PTCRA: variants seen among roughly 807,000 people sequenced by gnomAD.
PTCRA encodes pre T cell antigen receptor alpha, also known as pre T-cell antigen receptor alpha.
Under a neutral mutation model 13.4 loss-of-function variants are expected in PTCRA, and 9 were observed. The ratio of observed to expected loss-of-function variants is 0.67; its 90% CI spans 0.41 to 1.18. The LOEUF (loss-of-function observed/expected upper bound fraction) is 1.18, where lower values mean the gene tolerates loss of function less well. PTCRA is among the 50% of genes most tolerant of loss of function. The probability of loss-of-function intolerance (pLI) is 0.01; values close to 1 mark genes in which losing one functional copy is unlikely to be tolerated. For missense variants in PTCRA, 353 were observed against 359.8 expected, an observed-to-expected ratio of 0.98 and a Z score of 0.15; for synonymous variants, 153 against 161.9, an observed-to-expected ratio of 0.94 and a Z score of 0.42.
At chr6:42,922,292 G>C (rs778556257) in intron 1 of PTCRA, 3 of 700,844 alleles carry the variant, frequency 4.3e-6, no homozygotes, top group Non-Finnish European at 5.2e-6. Flanking sequence ...CACATCTACT[G>C]TCTTTCCCAT....
chr6:42,924,511 C>A, intron 3 of PTCRA: 1 of 577,130 alleles, frequency 1.7e-6, no homozygotes, highest in Non-Finnish European at 3.1e-6. Flanking sequence ...TTGAGAAGCA[C>A]AGGTGACAGC....
In PTCRA at chr6:42,925,234, G is replaced by C; in HGVS notation, c.425-27G>C. 2 of 1,569,412 alleles carry C rather than the reference G, an allele frequency of 1.3e-6. No individual in the cohort carries two copies. Among genetic ancestry groups the C allele is most frequent in the Non-Finnish European group, 1.7e-6 (2 of 1,164,974 alleles). Reference sequence around the variant, plus strand: ...GGGGTAGGGGGCTGCGGGCTCCTGCGGGCTCCTGAGCGGTTCCTCCTCGCA... The same window carrying C: ...GGGGTAGGGGGCTGCGGGCTCCTGCCGGCTCCTGAGCGGTTCCTCCTCGCA... On this transcript the variant is annotated intron_variant, in intron 3 of 3. Coordinates refer to ENST00000304672, the MANE Select transcript of PTCRA (RefSeq NM_138296.3). This position sits in a 1 kb window ranked among gnomAD's most constrained non-coding sequence, Gnocchi z 4.4.
rs201876282 is a variant in PTCRA at position 42,925,491 on chromosome 6, C to T, written c.655C>T (p.Arg219Cys). 5.2e-5 allele frequency: 82 copies of T among 1,562,338 alleles called. No individual in the cohort carries two copies. The highest frequency in any genetic ancestry group is 1.2e-4 in the African/African-American group (9 of 73,720). The change falls in exon 4 of 4, where the codon CGC (arginine) becomes TGC (cysteine). Residue 219 changes from arginine to cysteine, a missense_variant. Coordinates refer to ENST00000304672, the MANE Select transcript of PTCRA (RefSeq NM_138296.3). The surrounding 1 kb of genome is among the most constrained non-coding windows in gnomAD (Gnocchi z 4.4). ...SSPRPQPRDRRWGDTPPGRKP... is the reference protein window; with the variant it reads ...SSPRPQPRDRCWGDTPPGRKP... ...ACCCAGACCCCAGCCTCGGGACCGC[C>T]GCTGGGGTGACACCCCTCCGGGTCG...
intron 1 of PTCRA, among the ~76,000 whole-genome samples, chr6:42,917,228 A>ATTAT (rs200112339): frequency 1.8e-3 from 220 of 122,858 alleles, no homozygotes; most frequent in South Asian, 2.8e-3. Context: ...TATTATTATT[A>ATTAT]TTATTTATTT....
Position 42,923,082 on chromosome 6 carries a change from T to A in PTCRA, c.114T>A (p.Asp38Glu). The A allele has an allele frequency of 6.2e-7, 1 of 1,614,192 alleles. No homozygotes were observed. Among genetic ancestry groups the A allele is most frequent in the Admixed American group, 1.7e-5 (1 of 60,020 alleles). ...SLAPPIMLLV[D>E]GKQQMVVVCL... ...CCCCACCAATCATGCTGCTGGTGGA[T>A]GGAAAGCAGCAGATGGTGGTGGTCT... Residue 38 changes from aspartate to glutamate, a missense_variant, in exon 2 of 4, where the codon GAT becomes GAA. Coordinates refer to ENST00000304672, the MANE Select transcript of PTCRA (RefSeq NM_138296.3).
rs1767356746 is a variant in PTCRA, at chr6:42,925,029, T to C, written c.425-232T>C. 6.6e-6 allele frequency among the ~76,000 whole-genome samples: 1 copy of C among 151,922 alleles called. No individual in the cohort carries two copies. The highest frequency in any genetic ancestry group is 2.1e-4 in the South Asian group (1 of 4,818). ...TCTGCATCAGATGCTAATTAATTCCTGCGTGGCCCCCACCCCTACCCCCAT... is the reference window on the plus strand; with the variant it reads ...TCTGCATCAGATGCTAATTAATTCCCGCGTGGCCCCCACCCCTACCCCCAT... On this transcript the variant is annotated intron_variant, in intron 3 of 3. Coordinates refer to ENST00000304672, the MANE Select transcript of PTCRA (RefSeq NM_138296.3). The surrounding 1 kb of genome is among the most constrained non-coding windows in gnomAD (Gnocchi z 4.4).
At chr6:42,924,636 T>A (rs1291558242) in intron 3 of PTCRA, among the ~76,000 whole-genome samples, 1 of 152,042 alleles carries the variant, frequency 6.6e-6, no homozygotes, top group Non-Finnish European at 1.5e-5. Flanking sequence ...GGACGGACAG[T>A]CATGAAGTTG....
chr6:42,920,709 G>A (rs1767113450), intron 1 of PTCRA, among the ~76,000 whole-genome samples: 1 of 151,596 alleles, frequency 6.6e-6, no homozygotes, highest in Non-Finnish European at 1.5e-5. Context: ...ACAGGCTTGA[G>A]CCACAGCGCC....
At chr6:42,922,613 A>G (rs1191526998) in intron 1 of PTCRA, among the ~76,000 whole-genome samples, 4 of 151,830 alleles carry the variant, frequency 2.6e-5, no homozygotes, top group Non-Finnish European at 5.9e-5. Flanking sequence ...TGTGGCGGGC[A>G]CCTGTAGTCC....
intron 1 of PTCRA, among the ~76,000 whole-genome samples, chr6:42,917,265 C>T (rs554689035): frequency 1.3e-4 from 19 of 147,950 alleles, no homozygotes; most frequent in African/African-American, 3.9e-4. Context: ...CACTGTCGCC[C>T]GGGCTGGAGT....
chr6:42,919,572 C>T (rs1464298277), intron 1 of PTCRA, among the ~76,000 whole-genome samples: 1 of 150,292 alleles, frequency 6.7e-6, no homozygotes, highest in African/African-American at 2.5e-5. Context: ...AATAAATTAG[C>T]CAGGTATGGT....
chr6:42,920,617 G>C (rs888707825), intron 1 of PTCRA, among the ~76,000 whole-genome samples: 4 of 151,860 alleles, frequency 2.6e-5, no homozygotes, highest in African/African-American at 9.7e-5. Context: ...AGTAGAGACG[G>C]GGTTTCACCG....
intron 1 of PTCRA, among the ~76,000 whole-genome samples, chr6:42,916,672 C>G (rs1407795792): frequency 6.6e-6 from 1 of 152,148 alleles, no homozygotes; most frequent in African/African-American, 2.4e-5. Context: ...TACCCCCAGC[C>G]CTCCCATGAT....
At chr6:42,922,266 A>T (rs1256608557) in intron 1 of PTCRA, 2 of 702,584 alleles carry the variant, frequency 2.8e-6, no homozygotes, top group Non-Finnish European at 5.2e-6. Context: ...ACAGGGTATT[A>T]CAAGTATTTT....
chr6:42,917,465 G>A (rs963798891), intron 1 of PTCRA, among the ~76,000 whole-genome samples: 101 of 145,114 alleles, frequency 7.0e-4, no homozygotes, highest in African/African-American at 2.3e-3. Flanking sequence ...CTCATGATCC[G>A]CCCGCCTCAG....
intron 1 of PTCRA, among the ~76,000 whole-genome samples, chr6:42,920,578 C>T (rs1767104962): frequency 6.6e-6 from 1 of 151,292 alleles, no homozygotes; most frequent in Admixed American, 6.6e-5. Context: ...GCGGCTGCCA[C>T]CACGCCCGGC....
chr6:42,923,433 C>A, intron 2 of PTCRA, 86 bp downstream of exon 2: 5 of 1,324,830 alleles, frequency 3.8e-6, no homozygotes, highest in Non-Finnish European at 5.3e-6. Context: ...AGGCTCCAGG[C>A]CACAAAGGCA....
chr6:42,917,187 A>ATT lies in PTCRA; in HGVS notation c.58+1061_58+1062dup, dbSNP rs1472298798. On this transcript the variant is annotated intron_variant, in intron 1 of 3. Coordinates refer to ENST00000304672, the MANE Select transcript of PTCRA (RefSeq NM_138296.3). Reference sequence around the variant, plus strand: ...TTGCTGGGCTGGTATTATTAACAGCATTATATTATTATTATTATTATTATT... The same window carrying ATT: ...TTGCTGGGCTGGTATTATTAACAGCATTTTATATTATTATTATTATTATTATT... Among the ~76,000 whole-genome samples, 6 of 126,386 alleles carry ATT rather than the reference A, an allele frequency of 4.7e-5. No individual in the cohort carries two copies. In the East Asian group the frequency reaches 1.4e-3, roughly 30 times the overall value. 82.9% of individuals were successfully genotyped at this position (126,386 alleles called of 152,430 possible).
chr6:42,917,677 G>T (rs1464343271), intron 1 of PTCRA, among the ~76,000 whole-genome samples: 2 of 150,866 alleles, frequency 1.3e-5, no homozygotes, highest in Non-Finnish European at 2.9e-5. Flanking sequence ...AGCTTCCCAA[G>T]TAGCTGGGAT....
Sources: allele counts gnomAD v4.1 joint callset (sites outside exome capture counted in the v4.1 genomes callset), GRCh38; gene constraint gnomAD v4.1.1; non-coding constraint Gnocchi (gnomAD v3.1); transcripts MANE v1.5; gene names NCBI Gene and HGNC (gene_info 2026-07-23, HGNC 2026-07-21).